LOXHD1: variants seen among roughly 807,000 people sequenced by gnomAD.
LOXHD1 encodes lipoxygenase homology domain-containing protein 1.
A neutral mutation model predicts 248.2 loss-of-function variants in LOXHD1; 205 were observed. That is an observed-to-expected ratio of 0.83 (90% CI 0.74 to 0.93). LOXHD1 has a LOEUF of 0.93. Among genes scored for constraint, LOXHD1 ranks in the 40% least tolerant of loss-of-function variants. The pLI is 0.00. For synonymous variants in LOXHD1, 1,113 were observed against 1,162.8 expected (o/e 0.96, Z 0.87); for missense variants, 2,930 against 2,971.6 (o/e 0.99, Z 0.33).
At chr18:46,574,173 C>T (rs2037809394) in intron 14 of LOXHD1, among the ~76,000 whole-genome samples, 1 of 152,164 alleles carries the variant, frequency 6.6e-6, no homozygotes, top group South Asian at 2.1e-4. Context: ...ACCCCCAGGC[C>T]CTCCCCAGCA....
intron 1 of LOXHD1, among the ~76,000 whole-genome samples, chr18:46,652,237 C>G (rs981697538): frequency 1.3e-5 from 2 of 152,122 alleles, no homozygotes; most frequent in African/African-American, 2.4e-5. Flanking sequence ...GTAGGGGGGA[C>G]TGACTGGGAA....
intron 29 of LOXHD1, among the ~76,000 whole-genome samples, chr18:46,528,826 A>T (rs1231414514): frequency 6.6e-6 from 1 of 152,168 alleles, no homozygotes; most frequent in Non-Finnish European, 1.5e-5. Context: ...AGCCCCTGCC[A>T]TTCTGCAGTG....
At chr18:46,551,906 C>T (rs1268116489) in intron 21 of LOXHD1, among the ~76,000 whole-genome samples, 3 of 152,144 alleles carry the variant, frequency 2.0e-5, no homozygotes, top group African/African-American at 2.4e-5. Flanking sequence ...TACTACAACA[C>T]GGATGAAGCT....
chr18:46,521,015 C>A lies in LOXHD1; in HGVS notation c.5271+82G>T, dbSNP rs947236616. The A allele has an allele frequency of 3.4e-6, 5 of 1,467,278 alleles. No homozygotes were observed. The African/African-American group carries it at 5.6e-5, about 16-fold the overall frequency. 90.9% of individuals were successfully genotyped at this position (1,467,278 alleles called of 1,614,324 possible). A position where few individuals can be genotyped will look rare whatever the true frequency, so the allele number is the denominator to read the frequency against. ...CCCAGTGATGAGTCTCCTACTTCTT[C>A]CACTTCTGTCTCCCCTGCTGCTCCC... is the stretch of plus-strand genomic sequence containing the variant. On this transcript the variant is annotated intron_variant, in intron 33 of 40. Coordinates refer to ENST00000642948, the MANE Select transcript of LOXHD1 (RefSeq NM_001384474.1).
At chr18:46,515,689 G>C (rs1161573068) in intron 34 of LOXHD1, among the ~76,000 whole-genome samples, 3 of 152,192 alleles carry the variant, frequency 2.0e-5, no homozygotes, top group Non-Finnish European at 2.9e-5. Context: ...GTTGGGTAGA[G>C]ATTAGAGTCA....
At chr18:46,576,611 T>A (rs1351176378) in intron 14 of LOXHD1, among the ~76,000 whole-genome samples, 1 of 152,224 alleles carries the variant, frequency 6.6e-6, no homozygotes, top group African/African-American at 2.4e-5. Flanking sequence ...TGCCACTCAC[T>A]TGGAGCTGCC....
At chr18:46,506,385 G>A (rs1185178195) in intron 36 of LOXHD1, among the ~76,000 whole-genome samples, 23 of 152,184 alleles carry the variant, frequency 1.5e-4, no homozygotes, top group Non-Finnish European at 2.8e-4. Flanking sequence ...GCACAGTGTG[G>A]GTTCAGAAGG....
At chr18:46,641,109 C>T (rs1179223582) in intron 3 of LOXHD1, among the ~76,000 whole-genome samples, 5 of 151,450 alleles carry the variant, frequency 3.3e-5, no homozygotes, top group Admixed American at 6.6e-5. Context: ...AGAGCCCTTT[C>T]CCTGCTCGTA....
In LOXHD1 at chr18:46,545,161, G is replaced by A. The variant is rs556575760; in HGVS notation, c.3619+156C>T. ...GGCTCAGAGAAAAAGAAAATTTTTAGAAAAAAAGGAACTGCCTTTCTCGAT... is the reference window on the plus strand; with the variant it reads ...GGCTCAGAGAAAAAGAAAATTTTTAAAAAAAAAGGAACTGCCTTTCTCGAT... On this transcript the variant is annotated intron_variant, in intron 23 of 40. Coordinates refer to ENST00000642948, the MANE Select transcript of LOXHD1 (RefSeq NM_001384474.1). Among the ~76,000 whole-genome samples the A allele has an allele frequency of 3.3e-5, 5 of 152,102 alleles. No homozygotes were observed. In the South Asian group the frequency reaches 1.0e-3, roughly 32 times the overall value.
rs727503144 is a variant in LOXHD1, at chr18:46,559,502, C to T, written c.3162G>A (p.Thr1054=). ...CTGACTTCTTCAGGGGTCGTTCGCC[C>T]GTGTCTCCATACTCCTCGCCGTAGA... ...LTIYGEEYGD[T]GERPLKKSDK... Residue 1054 remains threonine, a synonymous_variant, in exon 20 of 41, where the codon ACG becomes ACA. Coordinates refer to ENST00000642948, the MANE Select transcript of LOXHD1 (RefSeq NM_001384474.1). 2.4e-5 allele frequency: 38 copies of T among 1,552,076 alleles called. No individual in the cohort carries two copies. The highest frequency in any genetic ancestry group is 1.7e-4 in the Middle Eastern group (1 of 5,992).
At chr18:46,592,410 G>T in intron 11 of LOXHD1, 88 bp downstream of exon 11, 1 of 1,140,088 alleles carries the variant, frequency 8.8e-7, no homozygotes, top group Non-Finnish European at 1.3e-6. Context: ...TAAATACAGA[G>T]GCAAATTTAT....
chr18:46,554,921 C>T (rs568272551), intron 21 of LOXHD1, among the ~76,000 whole-genome samples: 4 of 151,728 alleles, frequency 2.6e-5, no homozygotes, highest in Admixed American at 6.6e-5. Flanking sequence ...CACTTAATGG[C>T]ATAACAATCA....
At chr18:46,531,426 A>C (rs1016940983) in intron 28 of LOXHD1, among the ~76,000 whole-genome samples, 1 of 151,394 alleles carries the variant, frequency 6.6e-6, no homozygotes, top group African/African-American at 2.4e-5. Context: ...TTTCCCCCTC[A>C]TCCATTTTCT....
At chr18:46,600,088 T>C (rs939724289) in intron 8 of LOXHD1, among the ~76,000 whole-genome samples, 3 of 152,210 alleles carry the variant, frequency 2.0e-5, no homozygotes, top group Admixed American at 2.0e-4. Flanking sequence ...GAGAAGCTCT[T>C]GCACACTTCC....
At chr18:46,577,113 T>C (rs1283042813) in intron 14 of LOXHD1, among the ~76,000 whole-genome samples, 1 of 152,140 alleles carries the variant, frequency 6.6e-6, no homozygotes, top group Admixed American at 6.5e-5. Flanking sequence ...CCTCCAGACA[T>C]TGCCACATAA....
rs2035954219 is a variant in LOXHD1, at chr18:46,529,194, T to G, written c.4513A>C (p.Lys1505Gln). ...YLGKSENRTN[K>Q]FERGTADTFI... ...CCTCATACCGTTCCTCTCTCGAACT[T>G]GTTGGTCCGGTTCTCTGACTTGCCA... The change falls in exon 29 of 41, where the codon AAG becomes CAG. Residue 1505 changes from lysine to glutamine, a missense_variant. By Grantham distance (53) the Lys-to-Gln change is moderately conservative. Coordinates refer to ENST00000642948, the MANE Select transcript of LOXHD1 (RefSeq NM_001384474.1). 1 of 1,551,230 alleles carries G rather than the reference T, an allele frequency of 6.4e-7. No homozygotes were observed. The highest frequency in any genetic ancestry group is 1.2e-5 in the South Asian group (1 of 84,042).
intron 37 of LOXHD1, among the ~76,000 whole-genome samples, chr18:46,495,651 T>C (rs1316622804): frequency 1.3e-5 from 2 of 152,204 alleles, no homozygotes; most frequent in South Asian, 4.1e-4. Context: ...TTACTCAGTA[T>C]ACAGTACTAA....
intron 1 of LOXHD1, among the ~76,000 whole-genome samples, chr18:46,655,110 C>T (rs961006700): frequency 2.6e-5 from 4 of 152,156 alleles, no homozygotes; most frequent in Admixed American, 6.5e-5. Context: ...TAACTCAGTG[C>T]CTGGTGCATG....
At chr18:46,607,435 T>C (rs1341529237) in intron 6 of LOXHD1, among the ~76,000 whole-genome samples, 1 of 149,968 alleles carries the variant, frequency 6.7e-6, no homozygotes, top group Non-Finnish European at 1.5e-5. Context: ...ATAATGAATA[T>C]ATATACACAC....
Sources: allele counts gnomAD v4.1 joint callset (sites outside exome capture counted in the v4.1 genomes callset), GRCh38; gene constraint gnomAD v4.1.1; transcripts MANE v1.5; gene names NCBI Gene and HGNC (gene_info 2026-07-23, HGNC 2026-07-21).